PSME4: variants seen among roughly 807,000 people sequenced by gnomAD.
The protein encoded by PSME4 is proteasome activator complex subunit 4.
A neutral mutation model predicts 253.9 loss-of-function variants in PSME4; 89 were observed. That is an observed-to-expected ratio of 0.35 (90% CI 0.30 to 0.42). The LOEUF is 0.42. Among genes scored for constraint, PSME4 ranks in the 10% least tolerant of loss-of-function variants. The pLI is 1.00. For synonymous variants in PSME4, 851 were observed against 759.2 expected, an observed-to-expected ratio of 1.12 and a Z score of -1.99; for missense variants, 2,014 against 2,195.2, an observed-to-expected ratio of 0.92 and a Z score of 1.65.
intron 41 of PSME4, among the ~76,000 whole-genome samples, chr2:53,880,125 A>G (rs1230770523): frequency 1.3e-5 from 2 of 152,162 alleles, no homozygotes; most frequent in African/African-American, 4.8e-5. Flanking sequence ...GTATAAGGGT[A>G]TTTCTTTAGA....
In PSME4 at chr2:53,920,214, T is replaced by C. The variant is rs1668233311; in HGVS notation, c.2399A>G (p.Asp800Gly). Reference sequence around the variant, plus strand: ...CAACCTAGACATTTCAAGTTTTCCATCCCCACAATGCTGGAGTTTGACGAG... The same window carrying C: ...CAACCTAGACATTTCAAGTTTTCCACCCCCACAATGCTGGAGTTTGACGAG... The part of the protein sequence containing the change: ...PELVKLQHCG[D>G]GKLEMSRDDI... The change falls in exon 19 of 47, where the codon GAT becomes GGT. Residue 800 changes from aspartate (D) to glycine (G), a missense_variant. By Grantham distance (94) the Asp-to-Gly change is moderately conservative (BLOSUM62 -1). Transcript: ENST00000404125. The C allele has an allele frequency of 1.2e-6, 2 of 1,609,834 alleles. No individual in the cohort carries two copies. Among genetic ancestry groups the C allele is most frequent in the East Asian group, 2.2e-5 (1 of 44,854 alleles).
Position 53,932,078 on chromosome 2 carries a change from T to C in PSME4, c.1073A>G (p.Gln358Arg). The change falls in exon 10 of 47, where the codon CAG (glutamine) becomes CGG (arginine). Residue 358 changes from glutamine (Q) to arginine (R), a missense_variant. This residue lies in a region of PSME4 where 615 missense variants were observed against 594.4 expected (regional missense o/e 1.03). Transcript: ENST00000404125. ...RWLNKLMKLL[Q>R]RLPNSVVRRL... ...TCTAACAACACTGTTTGGCAACCGC[T>C]GAAGTAGTTTCATTAACTTGTTCTG... 1 of 1,614,056 alleles carries C rather than the reference T, an allele frequency of 6.2e-7. No homozygotes were observed. Among genetic ancestry groups the C allele is most frequent in the Non-Finnish European group, 8.5e-7 (1 of 1,179,926 alleles).
rs114806338 is a variant in PSME4, at chr2:53,908,902, T to C, written c.2573-62A>G. On this transcript the variant is annotated intron_variant, in intron 21 of 46. Coordinates refer to ENST00000404125, the MANE Select transcript of PSME4 (RefSeq NM_014614.3). Reference sequence around the variant, plus strand: ...TGAATGCTCCTCAGACTTTTAAAGTTTATATCAACAGGTTAGGTCAAGGAG... The same window carrying C: ...TGAATGCTCCTCAGACTTTTAAAGTCTATATCAACAGGTTAGGTCAAGGAG... 3.2e-4 allele frequency: 403 copies of C among 1,275,004 alleles called. 2 individuals are homozygous for C. In the African/African-American group the frequency reaches 5.3e-3, roughly 17 times the overall value. The allele number at this position is 1,275,004 out of a possible 1,614,324, so 79.0% of individuals were successfully genotyped here.
At chr2:53,880,317 G>A (rs1323121521) in intron 41 of PSME4, among the ~76,000 whole-genome samples, 1 of 152,016 alleles carries the variant, frequency 6.6e-6, no homozygotes, top group African/African-American at 2.4e-5. Context: ...TAGCTGGAGT[G>A]GTGGTGCTGG....
chr2:53,940,974 T>TATATATACATATTTAA (rs1669414706), intron 3 of PSME4, among the ~76,000 whole-genome samples: 1 of 62,628 alleles, frequency 1.6e-5, no homozygotes, highest in African/African-American at 4.6e-5. Context: ...TATATATATA[T>TATATATACATATTTAA]ATATATATAT....
Position 53,893,705 on chromosome 2 carries a change from T to C in PSME4, c.4007A>G (p.Lys1336Arg). ...GAGGCAAAAACGTCGTGGATTAAAC[T>C]TATCTTTTCCTTTTCTGTCTTCTAA... ...LSLEDRKGKD[K>R]FNPRRFCLFK... Residue 1336 changes from lysine (K) to arginine (R), a missense_variant, in exon 35 of 47, where the codon AAG (lysine) becomes AGG (arginine). Lys to Arg is a conservative substitution (Grantham distance 26). Transcript: ENST00000404125. 6.2e-7 allele frequency: 1 copy of C among 1,610,728 alleles called. No homozygotes were observed. Among genetic ancestry groups the C allele is most frequent in the Non-Finnish European group, 8.5e-7 (1 of 1,178,282 alleles).
At position 53,871,791 on chromosome 2, in the gene PSME4, A is replaced by G. The variant is rs969293027; in HGVS notation, c.5101-2253T>C. On this transcript the variant is annotated intron_variant, in intron 43 of 46. Transcript: ENST00000404125. ...TACTTTGGGAGGCCCAGGCGGGTGG[A>G]TCACCTGAGGTCAGGAGTTTGAGAC... 2.6e-5 allele frequency among the ~76,000 whole-genome samples: 4 copies of G among 152,016 alleles called. No individual in the cohort carries two copies. In the East Asian group the frequency reaches 5.9e-4, roughly 22 times the overall value.
intron 43 of PSME4, chr2:53,871,098 A>T (rs896238902): frequency 6.6e-6 from 1 of 152,238 alleles, no homozygotes; most frequent in Non-Finnish European, 1.5e-5. Flanking sequence ...GTTATACCTT[A>T]CACTGCTTTT....
intron 1 of PSME4, among the ~76,000 whole-genome samples, chr2:53,959,107 A>G (rs190992909): frequency 1.5e-3 from 222 of 152,342 alleles, no homozygotes; most frequent in South Asian, 2.3e-3. Context: ...GCTTGAGCCC[A>G]GGAGTTTGAA....
rs1173546645 is a variant in PSME4 at position 53,908,498 on chromosome 2, T to C, written c.2685+12A>G. On this transcript the variant is annotated intron_variant, in intron 23 of 46. Coordinates refer to ENST00000404125, the MANE Select transcript of PSME4 (RefSeq NM_014614.3). Reference sequence around the variant, plus strand: ...TATTAATCATTATGCAACTATCAAATGACAAATGTACCTTTATAATAAGAA... The same window carrying C: ...TATTAATCATTATGCAACTATCAAACGACAAATGTACCTTTATAATAAGAA... 10 of 1,610,648 alleles carry C rather than the reference T, an allele frequency of 6.2e-6. No homozygotes were observed. In the Middle Eastern group the frequency reaches 5.0e-4, roughly 80 times the overall value.
At chr2:53,885,475 T>G (rs115678984) in intron 41 of PSME4, among the ~76,000 whole-genome samples, 5,196 of 152,312 alleles carry the variant, frequency 0.034, 131 homozygotes, top group Non-Finnish European at 0.054. Context: ...TAAATTTTCA[T>G]GTAGCTGTCA....
intron 39 of PSME4, 28 bp downstream of exon 39, chr2:53,887,830 G>A (rs805399): frequency 0.3 from 466,137 of 1,535,456 alleles, 73,017 homozygotes; most frequent in South Asian, 0.45. Context: ...GAACTCGAGA[G>A]GTACACCACA....
Position 53,951,085 on chromosome 2 carries a change from T to C in PSME4, c.243-1802A>G, listed in dbSNP as rs968003758. The stretch of plus-strand genomic sequence containing the variant: ...GATCAAATAAAACTTACATTTAACT[T>C]CTTTTTTTTCCCCCCAAGACACAGT... On this transcript the variant is annotated intron_variant, in intron 1 of 46. Coordinates refer to ENST00000404125, the MANE Select transcript of PSME4 (RefSeq NM_014614.3). Among the ~76,000 whole-genome samples, 11 of 152,006 alleles carry C rather than the reference T, an allele frequency of 7.2e-5. No homozygotes were observed. In the East Asian group the frequency reaches 1.7e-3, roughly 24 times the overall value.
Position 53,865,311 on chromosome 2 carries a change from T to C in PSME4, c.*267A>G, listed in dbSNP as rs953051752. On this transcript the variant is annotated 3_prime_UTR_variant, in exon 47 of 47. Transcript: ENST00000404125. ...ATGCCATGATCATACTGGGTAATTATTTCTAGTCTGAGACTTTGTGACTTT... is the reference window on the plus strand; with the variant it reads ...ATGCCATGATCATACTGGGTAATTACTTCTAGTCTGAGACTTTGTGACTTT... The C allele has an allele frequency of 3.3e-5, 5 of 152,558 alleles. No homozygotes were observed. The highest frequency in any genetic ancestry group is 1.2e-4 in the African/African-American group (5 of 41,430). 9.5% of individuals were successfully genotyped at this position (152,558 alleles called of 1,614,324 possible).
intron 1 of PSME4, among the ~76,000 whole-genome samples, chr2:53,967,649 C>CA (rs71408747): frequency 0.032 from 688 of 21,512 alleles, 100 homozygotes; most frequent in Middle Eastern, 0.2. Flanking sequence ...GAGATTGTCT[C>CA]AAAAAAAAAA....
intron 37 of PSME4, among the ~76,000 whole-genome samples, chr2:53,889,047 T>C (rs1322684973): frequency 1.3e-5 from 2 of 152,302 alleles, no homozygotes; most frequent in South Asian, 2.1e-4. Flanking sequence ...TTATTTTTTG[T>C]AGAGACAGAG....
At chr2:53,866,574 T>C (rs1000187342) in intron 45 of PSME4, among the ~76,000 whole-genome samples, 173 bp downstream of exon 45, 2 of 152,356 alleles carry the variant, frequency 1.3e-5, no homozygotes, top group Middle Eastern at 3.4e-3. Context: ...CAAATATCCA[T>C]GGCAGCAAGG....
intron 1 of PSME4, among the ~76,000 whole-genome samples, chr2:53,968,421 A>C (rs1670855384): frequency 6.6e-6 from 1 of 152,168 alleles, no homozygotes; most frequent in African/African-American, 2.4e-5. Context: ...TCTATTCTAC[A>C]AAGTACTAAA....
At chr2:53,891,350 T>C (rs1469267737) in intron 36 of PSME4, among the ~76,000 whole-genome samples, 1 of 152,170 alleles carries the variant, frequency 6.6e-6, no homozygotes, top group Non-Finnish European at 1.5e-5. Flanking sequence ...TTGATTCATG[T>C]CAAGTGGGCC....
Sources: allele counts gnomAD v4.1 joint callset (sites outside exome capture counted in the v4.1 genomes callset), GRCh38; gene constraint gnomAD v4.1.1; regional missense constraint gnomAD v4.1.1; transcripts MANE v1.5; gene names NCBI Gene and HGNC (gene_info 2026-07-23, HGNC 2026-07-21).